Variants in SLC2A13 observed in about 807,000 individuals in gnomAD.
SLC2A13 encodes solute carrier family 2 member 13.
A neutral mutation model predicts 64.4 loss-of-function variants in SLC2A13; 32 were observed. That is an observed-to-expected ratio of 0.50 (90% CI 0.37 to 0.67). SLC2A13 has a LOEUF of 0.67. Ranked by LOEUF, SLC2A13 falls within the 30% of genes least tolerant of loss-of-function variation. The pLI is 0.00. For synonymous variants in SLC2A13, 338 were observed against 327.1 expected (o/e 1.03, Z -0.36); for missense variants, 743 against 829.2 (o/e 0.90, Z 1.28).
intron 3 of SLC2A13, among the ~76,000 whole-genome samples, chr12:40,003,454 G>A (rs1009138035): frequency 2.0e-5 from 3 of 152,232 alleles, no homozygotes; most frequent in South Asian, 2.1e-4. Flanking sequence ...AAACTCAACC[G>A]TCAGAGGTGC....
chr12:39,969,069 G>A (rs1429943474), intron 3 of SLC2A13, among the ~76,000 whole-genome samples: 4 of 151,902 alleles, frequency 2.6e-5, no homozygotes, highest in Non-Finnish European at 4.4e-5. Flanking sequence ...TTGTCCTTGC[G>A]ATAGTTTGCT....
intron 1 of SLC2A13, among the ~76,000 whole-genome samples, chr12:40,061,324 ATAACT>A (rs1201197582): frequency 6.6e-6 from 1 of 152,116 alleles, no homozygotes; most frequent in Non-Finnish European, 1.5e-5. Flanking sequence ...TGCAGGAAAC[ATAACT>A]TAAAATGATA....
chr12:40,046,713 T>G (rs1174764175), intron 2 of SLC2A13, among the ~76,000 whole-genome samples: 2 of 151,938 alleles, frequency 1.3e-5, no homozygotes, highest in Non-Finnish European at 2.9e-5. Context: ...TTTTAAAAAC[T>G]GTGTCCTCCC....
intron 7 of SLC2A13, among the ~76,000 whole-genome samples, chr12:39,767,925 C>T (rs1328613815): frequency 6.6e-6 from 1 of 152,084 alleles, no homozygotes; most frequent in Non-Finnish European, 1.5e-5. Flanking sequence ...GAGGCTTCCC[C>T]AGCCCTGCAG....
rs1033386604 is a variant in SLC2A13 at position 39,921,533 on chromosome 12, C to T, written c.1034+29724G>A. ...TAAACTGTTTTCAAGCCATAGATATCACTGTTTAGACAGTCCATGATTGGT... is the reference window on the plus strand; with the variant it reads ...TAAACTGTTTTCAAGCCATAGATATTACTGTTTAGACAGTCCATGATTGGT... On this transcript the variant is annotated intron_variant, in intron 4 of 9. Transcript: ENST00000280871. Among the ~76,000 whole-genome samples the T allele has an allele frequency of 3.9e-5, 6 of 152,124 alleles. 1 individual carries two copies. The highest frequency in any genetic ancestry group is 1.5e-4 in the African/African-American group (6 of 41,378).
chr12:39,808,437 T>C (rs144456547), intron 7 of SLC2A13, among the ~76,000 whole-genome samples: 17 of 152,246 alleles, frequency 1.1e-4, no homozygotes, highest in African/African-American at 4.1e-4. Flanking sequence ...GTTGGACACA[T>C]TTTATTTCAT....
chr12:40,002,162 A>G (rs1406373207), intron 3 of SLC2A13, among the ~76,000 whole-genome samples: 1 of 152,246 alleles, frequency 6.6e-6, no homozygotes, highest in East Asian at 1.9e-4. Flanking sequence ...GTCAACTACA[A>G]TAAAAAATTG....
At chr12:40,000,099 C>T (rs1253665784) in intron 3 of SLC2A13, among the ~76,000 whole-genome samples, 3 of 152,180 alleles carry the variant, frequency 2.0e-5, no homozygotes, top group African/African-American at 7.2e-5. Context: ...GGGAGCTCCC[C>T]TGCACAAGCT....
intron 7 of SLC2A13, among the ~76,000 whole-genome samples, chr12:39,777,015 A>G (rs1407266187): frequency 1.3e-5 from 2 of 152,192 alleles, no homozygotes; most frequent in Non-Finnish European, 2.9e-5. Context: ...TATGGGAGGT[A>G]ATATATTAAT....
chr12:40,018,943 G>T (rs980019024), intron 3 of SLC2A13, among the ~76,000 whole-genome samples: 5 of 152,148 alleles, frequency 3.3e-5, no homozygotes, highest in African/African-American at 1.2e-4. Flanking sequence ...AACCTGGAAA[G>T]ATACATTCAA....
chr12:39,982,500 T>C (rs1388830205), intron 3 of SLC2A13, among the ~76,000 whole-genome samples: 1 of 151,460 alleles, frequency 6.6e-6, no homozygotes, highest in Non-Finnish European at 1.5e-5. Context: ...AAAATCAAAG[T>C]ACAAAAATCA....
chr12:40,105,568 C>A lies in SLC2A13; in HGVS notation c.241G>T (p.Val81Leu). 1.3e-6 allele frequency: 2 copies of A among 1,572,812 alleles called. No homozygotes were observed. Among genetic ancestry groups the A allele is most frequent in the Non-Finnish European group, 1.7e-6 (2 of 1,162,344 alleles). The change falls in exon 1 of 10, where the codon GTG becomes TTG. Residue 81 changes from valine (V) to leucine (L), a missense_variant. Transcript: ENST00000280871. This position sits in a 1 kb window ranked among gnomAD's most constrained non-coding sequence, Gnocchi z 4.2. ...GCGGAGAAGACGGCCACCACGTACACGAAGGCGGGGGTCTCGTCCTGCTGG... is the reference window on the plus strand; with the variant it reads ...GCGGAGAAGACGGCCACCACGTACAAGAAGGCGGGGGTCTCGTCCTGCTGG... Reference protein sequence around the residue: ...QFQQDETPAFVYVVAVFSALG... With the variant: ...QFQQDETPAFLYVVAVFSALG...
chr12:39,905,010 G>T (rs12817755), intron 4 of SLC2A13, among the ~76,000 whole-genome samples: 26,393 of 152,030 alleles, frequency 0.17, 3,001 homozygotes, highest in Middle Eastern at 0.26. Flanking sequence ...TCAGTTGCTA[G>T]AGCTAAAACT....
intron 4 of SLC2A13, among the ~76,000 whole-genome samples, chr12:39,886,102 C>A (rs1482932979): frequency 6.6e-6 from 1 of 152,166 alleles, no homozygotes; most frequent in East Asian, 1.9e-4. Context: ...AGTGAACAGA[C>A]CTTTCAATTG....
chr12:39,948,127 T>C (rs964238700), intron 4 of SLC2A13, among the ~76,000 whole-genome samples: 2 of 152,168 alleles, frequency 1.3e-5, no homozygotes, highest in African/African-American at 4.8e-5. Flanking sequence ...CTTTCTCTCC[T>C]ATGAATAAAG....
intron 1 of SLC2A13, among the ~76,000 whole-genome samples, chr12:40,061,122 G>A (rs1004319317): frequency 6.6e-6 from 1 of 151,850 alleles, no homozygotes; most frequent in Non-Finnish European, 1.5e-5. Context: ...AGAAAAAATT[G>A]TATGAAAAAA....
intron 6 of SLC2A13, among the ~76,000 whole-genome samples, chr12:39,855,345 T>C (rs1455372418): frequency 6.6e-6 from 1 of 152,254 alleles, no homozygotes; most frequent in East Asian, 1.9e-4. Flanking sequence ...TGAGTTGCTT[T>C]GTACTTTTAT....
In SLC2A13 at chr12:40,031,074, GA is replaced by G. The variant is rs532202206; in HGVS notation, c.717-2566del. On this transcript the variant is annotated intron_variant, in intron 2 of 9. Transcript: ENST00000280871. ...TTACCTTTCACGATGAAAATATTTTGATATGAATAATTTTCATGGCTTTGAA... is the reference window on the plus strand; with the variant it reads ...TTACCTTTCACGATGAAAATATTTTGTATGAATAATTTTCATGGCTTTGAA... Among the ~76,000 whole-genome samples, 388 of 152,234 alleles carry G rather than the reference GA, an allele frequency of 2.5e-3. 3 individuals are homozygous for G. Among genetic ancestry groups the G allele is most frequent in the African/African-American group, 9.1e-3 (380 of 41,556 alleles).
chr12:39,949,065 A>G (rs1010179068), intron 4 of SLC2A13, among the ~76,000 whole-genome samples: 2 of 152,172 alleles, frequency 1.3e-5, no homozygotes, highest in African/African-American at 4.8e-5. Context: ...GTCCCAGATT[A>G]GTTGTTTTTT....
Sources: gnomAD v4.1 joint callset for allele counts (sites outside exome capture counted in the v4.1 genomes callset) on GRCh38, gnomAD v4.1.1 for gene constraint, Gnocchi (gnomAD v3.1) non-coding constraint, MANE v1.5 for transcripts, NCBI Gene and HGNC (gene_info 2026-07-23, HGNC 2026-07-21) for gene names.